HOOK3: variants seen among roughly 807,000 people sequenced by gnomAD.
HOOK3 encodes the protein hook microtubule tethering protein 3.
Under a neutral mutation model 116.3 loss-of-function variants are expected in HOOK3, and 24 were observed. The observed-to-expected ratio is 0.21, with a 90% CI of 0.15 to 0.29. HOOK3 has a LOEUF of 0.29. Ranked by LOEUF, HOOK3 falls within the 10% of genes least tolerant of loss-of-function variation. HOOK3 has a pLI of 1.00. For missense variants in HOOK3, 632 were observed against 830.2 expected (o/e 0.76, Z 2.93); for synonymous variants, 275 against 283.0 (o/e 0.97, Z 0.28).
In HOOK3 at chr8:43,024,252, A is replaced by G; in HGVS notation, c.*5754A>G. ...GAATATTTTGAGTTTTTATTCTTAT[A>G]TTATGAAGGGATTCTTTGCCTAGCA... On this transcript the variant is annotated 3_prime_UTR_variant, in exon 22 of 22. Coordinates refer to ENST00000307602, the MANE Select transcript of HOOK3 (RefSeq NM_032410.4). 5.0e-6 allele frequency: 1 copy of G among 201,130 alleles called. No homozygotes were observed. The highest frequency in any genetic ancestry group is 7.7e-5 in the East Asian group (1 of 13,014). 12.5% of individuals were successfully genotyped at this position (201,130 alleles called of 1,614,324 possible).
At chr8:42,946,763 C>CTTTTTTTT (rs34564365) in intron 5 of HOOK3, among the ~76,000 whole-genome samples, 174 of 73,880 alleles carry the variant, frequency 2.4e-3, no homozygotes, top group Non-Finnish European at 2.7e-3. Context: ...CTCTTTCTTT[C>CTTTTTTTT]TTTTTTTTTT....
At chr8:42,910,260 G>A (rs1300142686) in intron 2 of HOOK3, among the ~76,000 whole-genome samples, 2 of 152,038 alleles carry the variant, frequency 1.3e-5, no homozygotes, top group Admixed American at 6.5e-5. Context: ...TATACATTGT[G>A]TTTTGCAAAG....
chr8:42,909,190 T>C lies in HOOK3; in HGVS notation c.143+2932T>C, dbSNP rs149422599. Among the ~76,000 whole-genome samples the C allele has an allele frequency of 2.0e-3, 312 of 152,354 alleles. 9 individuals are homozygous for C. The East Asian group carries it at 0.053, about 26-fold the overall frequency. On this transcript the variant is annotated intron_variant, in intron 2 of 21. Transcript: ENST00000307602. ...GAAGATGTGGAGCAGAGGGAACCCT[T>C]GTACACTGTTTTTGGGAATGTAAAT...
chr8:42,954,189 T>G (rs1586607861), intron 6 of HOOK3, among the ~76,000 whole-genome samples: 1 of 152,250 alleles, frequency 6.6e-6, no homozygotes, highest in South Asian at 2.1e-4. Context: ...AAATAAAAAT[T>G]AAGATGAGGG....
chr8:42,920,580 A>G (rs1807637131), intron 2 of HOOK3, among the ~76,000 whole-genome samples: 1 of 152,220 alleles, frequency 6.6e-6, no homozygotes, highest in South Asian at 2.1e-4. Flanking sequence ...CTTCATGAAC[A>G]AGAAGGTGAT....
intron 4 of HOOK3, among the ~76,000 whole-genome samples, 199 bp from the exon 5 acceptor site, chr8:42,943,114 G>C (rs1409167208): frequency 2.0e-5 from 3 of 152,012 alleles, no homozygotes; most frequent in Non-Finnish European, 4.4e-5. Context: ...CCACATACCA[G>C]AGTAGGGACT....
intron 15 of HOOK3, among the ~76,000 whole-genome samples, chr8:42,994,944 T>C (rs1476675017): frequency 1.3e-5 from 2 of 152,260 alleles, no homozygotes; most frequent in Non-Finnish European, 2.9e-5. Flanking sequence ...AGATGGATAG[T>C]TGAAATAATC....
chr8:42,928,685 G>A (rs1381661321), intron 3 of HOOK3, among the ~76,000 whole-genome samples: 1 of 152,080 alleles, frequency 6.6e-6, no homozygotes, highest in Non-Finnish European at 1.5e-5. Flanking sequence ...TAATATTCAG[G>A]ACTGAACTTC....
chr8:42,908,600 A>G (rs1020367197), intron 2 of HOOK3, among the ~76,000 whole-genome samples: 6 of 152,272 alleles, frequency 3.9e-5, no homozygotes, highest in Admixed American at 3.9e-4. Context: ...GGAAAAGTGG[A>G]TATCTACATG....
chr8:43,023,374 C>T lies in HOOK3; in HGVS notation c.*4876C>T, dbSNP rs979669687. ...TTTTATTGATGAGCCACTTTGCTAT[C>T]TCTCCTTCCTTCCTCCTTCCTTCCT... On this transcript the variant is annotated 3_prime_UTR_variant, in exon 22 of 22. Transcript: ENST00000307602. 1 of 158,434 alleles carries T rather than the reference C, an allele frequency of 6.3e-6. No homozygotes were observed. The highest frequency in any genetic ancestry group is 1.3e-5 in the Non-Finnish European group (1 of 75,566). 9.8% of individuals were successfully genotyped at this position (158,434 alleles called of 1,614,324 possible).
chr8:43,013,568 T>C (rs1809653344), intron 21 of HOOK3, among the ~76,000 whole-genome samples, 168 bp downstream of exon 21: 1 of 152,188 alleles, frequency 6.6e-6, no homozygotes, highest in African/African-American at 2.4e-5. Context: ...AAAGCAACTA[T>C]GAGAACCACT....
intron 2 of HOOK3, among the ~76,000 whole-genome samples, chr8:42,909,729 T>A (rs1265021115): frequency 6.6e-6 from 1 of 152,160 alleles, no homozygotes; most frequent in Non-Finnish European, 1.5e-5. Context: ...CCTGACAAAG[T>A]GCTGAGATTA....
intron 5 of HOOK3, 96 bp from the exon 6 acceptor site, chr8:42,950,292 G>A: frequency 2.5e-6 from 2 of 797,754 alleles, no homozygotes; most frequent in East Asian, 2.5e-5. Context: ...TCAAAACACA[G>A]GGAAATGACT....
intron 7 of HOOK3, 91 bp from the exon 8 acceptor site, chr8:42,959,138 CAG>C (rs141352904): frequency 0.018 from 14,380 of 782,332 alleles, 185 homozygotes; most frequent in Non-Finnish European, 0.022. Context: ...TCAGGAAAGA[CAG>C]GGGGGAGATG....
intron 2 of HOOK3, among the ~76,000 whole-genome samples, chr8:42,919,508 A>G (rs1460789493): frequency 2.0e-5 from 3 of 147,014 alleles, no homozygotes; most frequent in African/African-American, 7.5e-5. Flanking sequence ...ATGGGCGGCC[A>G]GGCAGAGACG....
chr8:42,925,645 A>T lies in HOOK3; in HGVS notation c.216+16A>T, dbSNP rs776082657. The T allele has an allele frequency of 2.0e-6, 3 of 1,526,398 alleles. No homozygotes were observed. In the South Asian group the frequency reaches 3.5e-5, roughly 18 times the overall value. The allele number at this position is 1,526,398 out of a possible 1,614,324, so 94.6% of individuals were successfully genotyped here. A position where few individuals can be genotyped will look rare whatever the true frequency, so the allele number is the denominator to read the frequency against. ...GAGGCTAAAGGTATTTTATTTTTCC[A>T]CCTGTTAAATCTTTAAATATTTGTA... On this transcript the variant is annotated intron_variant, in intron 3 of 21. Coordinates refer to ENST00000307602, the MANE Select transcript of HOOK3 (RefSeq NM_032410.4).
chr8:43,020,963 A>G lies in HOOK3; in HGVS notation c.*2465A>G, dbSNP rs1180934668. On this transcript the variant is annotated 3_prime_UTR_variant, in exon 22 of 22. Coordinates refer to ENST00000307602, the MANE Select transcript of HOOK3 (RefSeq NM_032410.4). ...TAAAAATACAAACAATTAGCCAGGC[A>G]TGGTGGTGTGTGCCTGTAGTCCCAG... is the stretch of plus-strand genomic sequence containing the variant. The G allele has an allele frequency of 1.8e-4, 33 of 178,650 alleles. No homozygotes were observed. The East Asian group carries it at 3.0e-3, about 16-fold the overall frequency. The allele number at this position is 178,650 out of a possible 1,614,324, so 11.1% of individuals were successfully genotyped here.
chr8:42,982,561 T>C, intron 13 of HOOK3, 66 bp from the exon 14 acceptor site: 1 of 1,069,408 alleles, frequency 9.4e-7, no homozygotes, highest in Non-Finnish European at 1.5e-6. Context: ...CAAAGTAGGG[T>C]TTCATATCGA....
chr8:43,000,377 T>C, intron 16 of HOOK3: 1 of 642,254 alleles, frequency 1.6e-6, no homozygotes, highest in Non-Finnish European at 2.5e-6. Flanking sequence ...GGTAGTTTTG[T>C]GCAAAACGAA....
Sources: gnomAD v4.1 joint callset for allele counts (sites outside exome capture counted in the v4.1 genomes callset) on GRCh38, gnomAD v4.1.1 for gene constraint, MANE v1.5 for transcripts, NCBI Gene and HGNC (gene_info 2026-07-23, HGNC 2026-07-21) for gene names.